The following CSF1R variants were observed in gnomAD, a reference collection of about 807,000 sequenced individuals.
The protein encoded by CSF1R is colony stimulating factor 1 receptor.
A neutral mutation model predicts 110.0 loss-of-function variants in CSF1R; 40 were observed. The observed-to-expected ratio is 0.36, with a 90% CI of 0.28 to 0.47. The LOEUF is 0.47. Ranked by LOEUF, CSF1R falls within the 20% of genes least tolerant of loss-of-function variation. CSF1R has a pLI of 0.99. For missense variants in CSF1R, 1,052 were observed against 1,253.0 expected, an observed-to-expected ratio of 0.84 and a Z score of 2.42; for synonymous variants, 523 against 503.4, an observed-to-expected ratio of 1.04 and a Z score of -0.52.
intron 9 of CSF1R, 51 bp from the exon 10 acceptor site, chr5:150,068,381 CCT>C (rs1424234630): frequency 7.9e-6 from 11 of 1,396,076 alleles, no homozygotes; most frequent in Non-Finnish European, 9.1e-6. Context: ...CTCCGAGCCC[CCT>C]GAGGTCAGGC....
At chr5:150,087,128 A>T (rs998519752), upstream of CSF1R, among the ~76,000 whole-genome samples, 1 of 152,152 alleles carries the variant, frequency 6.6e-6, no homozygotes, top group African/African-American at 2.4e-5. Flanking sequence ...ATAGTGTTCA[A>T]ATTGAATCGG....
rs143796854 is a variant in CSF1R at position 150,103,329 on chromosome 5, G to A, written c.-181+9932C>T. On this transcript the variant is annotated intron_variant, in intron 1 of 21. Coordinates refer to the CSF1R transcript ENST00000286301. ...CTATCTGGCCCAGATCTGCCTCTCT[G>A]TGACACCCACCTGTTGCTCTGGACC... Among the ~76,000 whole-genome samples the A allele has an allele frequency of 1.5e-3, 235 of 152,348 alleles. 1 individual carries two copies. Among genetic ancestry groups the A allele is most frequent in the African/African-American group, 5.4e-3 (226 of 41,584 alleles).
At chr5:150,110,851 T>C (rs1759695912) in intron 1 of CSF1R, among the ~76,000 whole-genome samples, 1 of 152,092 alleles carries the variant, frequency 6.6e-6, no homozygotes, top group Non-Finnish European at 1.5e-5. Context: ...TTCTATATTA[T>C]GTATTTTGGT....
intron 1 of CSF1R, among the ~76,000 whole-genome samples, chr5:150,109,496 T>A (rs1001462966): frequency 6.6e-6 from 1 of 152,208 alleles, no homozygotes; most frequent in Non-Finnish European, 1.5e-5. Context: ...CTCTGGGTGT[T>A]TCTGGTTATG....
intron 12 of CSF1R, 43 bp downstream of exon 12, chr5:150,061,448 C>A (rs758799409): frequency 3.6e-6 from 2 of 555,222 alleles, no homozygotes; most frequent in Non-Finnish European, 3.1e-6. Context: ...CCCCCAGCAT[C>A]TACCACCCCC....
In CSF1R at chr5:150,074,390, C is replaced by G. The variant is rs542435770; in HGVS notation, c.890-897G>C. 3.3e-5 allele frequency among the ~76,000 whole-genome samples: 5 copies of G among 150,692 alleles called. No individual in the cohort carries two copies. The East Asian group carries it at 9.9e-4, about 30-fold the overall frequency. On this transcript the variant is annotated intron_variant, in intron 5 of 20. Transcript: ENST00000675795. ...TGGCACAGTCTCTGCTCACTGCAACCTCCGCCTCCCAGGTTCAAGCGATTC... is the reference window on the plus strand; with the variant it reads ...TGGCACAGTCTCTGCTCACTGCAACGTCCGCCTCCCAGGTTCAAGCGATTC...
chr5:150,080,488 G>A (rs1338160240), intron 2 of CSF1R, 152 bp from the exon 3 acceptor site: 35 of 1,134,294 alleles, frequency 3.1e-5, no homozygotes, highest in Non-Finnish European at 4.3e-5. Context: ...TCAGCGTGGT[G>A]GCTCCAGAGT....
intron 1 of CSF1R, among the ~76,000 whole-genome samples, chr5:150,106,733 CT>C (rs1234927773): frequency 6.6e-6 from 1 of 152,172 alleles, no homozygotes; most frequent in Non-Finnish European, 1.5e-5. Flanking sequence ...CCTCTTCTCT[CT>C]CCATCCACCC....
intron 1 of CSF1R, chr5:150,094,880 G>A: frequency 8.0e-7 from 1 of 1,242,330 alleles, no homozygotes; most frequent in Non-Finnish European, 1.1e-6. Context: ...TGATTCATGA[G>A]ATCTATACTG....
intron 1 of CSF1R, among the ~76,000 whole-genome samples, chr5:150,104,649 C>T (rs1434174023): frequency 6.6e-6 from 1 of 152,162 alleles, no homozygotes; most frequent in Non-Finnish European, 1.5e-5. Flanking sequence ...AAGAGCAAAC[C>T]AAGGCTCAGA....
Position 150,069,906 on chromosome 5 carries a change from T to C in CSF1R, c.1477A>G (p.Ser493Gly), listed in dbSNP as rs1757957941. The part of the protein sequence containing the change: ...YECRAHNSVG[S>G]GSWAFIPISA... ...ATGGGTATGAAGGCCCAGGAGCCAC[T>C]CCCCACGCTGTTGTGGGCCCTGCAC... Residue 493 changes from serine to glycine, a missense_variant, in exon 9 of 21, where the codon AGT (serine) becomes GGT (glycine). By Grantham distance (56) the Ser-to-Gly change is moderately conservative. Transcript: ENST00000675795. The C allele has an allele frequency of 1.2e-6, 2 of 1,613,494 alleles. No homozygotes were observed. Among genetic ancestry groups the C allele is most frequent in the Admixed American group, 1.7e-5 (1 of 59,972 alleles).
Position 150,061,749 on chromosome 5 carries a change from T to C in CSF1R, c.1727A>G (p.Glu576Gly), listed in dbSNP as rs2113792638. 1 of 1,614,228 alleles carries C rather than the reference T, an allele frequency of 6.2e-7. No homozygotes were observed. Among genetic ancestry groups the C allele is most frequent in the Non-Finnish European group, 8.5e-7 (1 of 1,180,040 alleles). The change falls in exon 11 of 21, where the codon GAG becomes GGG. Residue 576 changes from glutamate (E) to glycine (G), a missense_variant. Glu to Gly is a moderately conservative substitution (Grantham distance 98, BLOSUM62 -2). Transcript: ENST00000675795. ...PTQLPYNEKW[E>G]FPRNNLQFGK... ...AAACTGCAGGTTGTTCCGGGGGAAC[T>C]CCCACTTCTCGTTGTAAGGCAGCTG...
At chr5:150,084,398 G>A (rs181951501) in intron 1 of CSF1R, among the ~76,000 whole-genome samples, 2,394 of 22,182 alleles carry the variant, frequency 0.11, 28 homozygotes, top group East Asian at 0.19. Flanking sequence ...AAAGAAGGAA[G>A]GAAGGAAGGA....
intron 11 of CSF1R, 60 bp downstream of exon 11, chr5:150,061,662 TC>T (rs750594466): frequency 1.1e-5 from 17 of 1,614,104 alleles, no homozygotes; most frequent in Non-Finnish European, 1.4e-5. Flanking sequence ...GCCCATGGGC[TC>T]CCTGCAACCC....
chr5:150,090,976 T>C (rs569571581), upstream of CSF1R, among the ~76,000 whole-genome samples: 61 of 152,288 alleles, frequency 4.0e-4, no homozygotes, highest in African/African-American at 1.3e-3. Context: ...GAGTCTAAAA[T>C]AATTTTTTTA....
intron 10 of CSF1R, among the ~76,000 whole-genome samples, chr5:150,062,135 C>CT (rs1348209965): frequency 2.6e-5 from 4 of 152,274 alleles, no homozygotes; most frequent in African/African-American, 9.6e-5. Context: ...CCTGATATCT[C>CT]TGATAATCTG....
At chr5:150,091,567 G>A (rs1283559718) in intron 1 of CSF1R, among the ~76,000 whole-genome samples, 1 of 152,124 alleles carries the variant, frequency 6.6e-6, no homozygotes, top group Non-Finnish European at 1.5e-5. Flanking sequence ...TAAACCTGTA[G>A]AGGCAGACGG....
chr5:150,103,326 T>C (rs6579772), intron 1 of CSF1R, among the ~76,000 whole-genome samples: 98,174 of 152,122 alleles, frequency 0.65, 31,938 homozygotes, highest in Middle Eastern at 0.72. Context: ...GATCTGCCTC[T>C]CTGTGACACC....
chr5:150,077,362 A>G lies in CSF1R; in HGVS notation c.803T>C (p.Val268Ala). ...GTAGTTGCCGGCATGTTGGAAATCT[A>G]CTTGATCGAGGTTGAGGGTCAGGAC... The part of the protein sequence containing the change: ...QKVLTLNLDQ[V>A]DFQHAGNYSC... The change falls in exon 5 of 21, where the codon GTA becomes GCA. Residue 268 changes from valine (V) to alanine (A), a missense_variant. Coordinates refer to ENST00000675795, the MANE Select transcript of CSF1R (RefSeq NM_001288705.3). The G allele has an allele frequency of 6.2e-7, 1 of 1,614,118 alleles. No individual in the cohort carries two copies. Among genetic ancestry groups the G allele is most frequent in the Non-Finnish European group, 8.5e-7 (1 of 1,180,024 alleles).
Sources: gnomAD v4.1 joint callset for allele counts (sites outside exome capture counted in the v4.1 genomes callset) on GRCh38, gnomAD v4.1.1 for gene constraint, MANE v1.5 for transcripts, NCBI Gene and HGNC (gene_info 2026-07-23, HGNC 2026-07-21) for gene names.